The following PPP3CC variants were observed in gnomAD, a reference collection of about 807,000 sequenced individuals.
PPP3CC encodes protein phosphatase 3 catalytic subunit gamma, also known as serine/threonine-protein phosphatase 2B catalytic subunit gamma isoform.
PPP3CC carries 35 observed loss-of-function variants against 60.3 expected under a neutral mutation model. The observed-to-expected ratio is 0.58, with a 90% CI of 0.44 to 0.77. The LOEUF (loss-of-function observed/expected upper bound fraction) is 0.77, where lower values mean the gene tolerates loss of function less well. Among genes scored for constraint, PPP3CC ranks in the 30% least tolerant of loss-of-function variants. The pLI is 0.00. For synonymous variants in PPP3CC, 206 were observed against 224.3 expected (o/e 0.92, Z 0.73); for missense variants, 570 against 628.9 (o/e 0.91, Z 1.00).
chr8:22,535,572 G>A (rs1839827154), intron 12 of PPP3CC, among the ~76,000 whole-genome samples: 1 of 151,732 alleles, frequency 6.6e-6, no homozygotes, highest in Non-Finnish European at 1.5e-5. Flanking sequence ...CATAGCTCAT[G>A]GCAGCGCCCG....
chr8:22,522,795 T>A (rs1420632784), intron 8 of PPP3CC, 46 bp downstream of exon 8: 2 of 1,342,526 alleles, frequency 1.5e-6, no homozygotes, highest in Admixed American at 3.5e-5. Context: ...TGAGTAAACG[T>A]GAGCTCTGGT....
At chr8:22,444,235 G>A (rs911149430) in intron 1 of PPP3CC, among the ~76,000 whole-genome samples, 4 of 142,618 alleles carry the variant, frequency 2.8e-5, no homozygotes, top group South Asian at 2.2e-4. Context: ...TAGCCTGGGC[G>A]ACAAGAGTGA....
chr8:22,499,776 C>A (rs1838709456), intron 4 of PPP3CC, among the ~76,000 whole-genome samples: 1 of 152,194 alleles, frequency 6.6e-6, no homozygotes, highest in Admixed American at 6.5e-5. Context: ...CTATTTCATT[C>A]ATGTCATTTA....
intron 3 of PPP3CC, among the ~76,000 whole-genome samples, chr8:22,493,393 T>G (rs1838465599): frequency 1.3e-5 from 2 of 152,090 alleles, no homozygotes; most frequent in South Asian, 4.1e-4. Flanking sequence ...AAAAAAAGAT[T>G]TTTAATTTTT....
At chr8:22,446,404 G>A (rs377599759) in intron 1 of PPP3CC, among the ~76,000 whole-genome samples, 1 of 151,944 alleles carries the variant, frequency 6.6e-6, no homozygotes, top group African/African-American at 2.4e-5. Context: ...AAAAACAAGG[G>A]ACTCTGAGAG....
chr8:22,452,052 G>A (rs1019174090), intron 1 of PPP3CC, among the ~76,000 whole-genome samples: 8 of 145,210 alleles, frequency 5.5e-5, no homozygotes, highest in Admixed American at 3.5e-4. Context: ...TAGAGATAAG[G>A]CCTCACTCTG....
intron 3 of PPP3CC, among the ~76,000 whole-genome samples, chr8:22,478,405 C>T (rs567783435): frequency 6.6e-6 from 1 of 152,170 alleles, no homozygotes; most frequent in Non-Finnish European, 1.5e-5. Context: ...CCACCTTGGC[C>T]TTCCAAAGTG....
chr8:22,538,346 G>A (rs539213837), intron 12 of PPP3CC, among the ~76,000 whole-genome samples: 386 of 152,246 alleles, frequency 2.5e-3, no homozygotes, highest in Non-Finnish European at 4.5e-3. Flanking sequence ...TCTTGTCAAG[G>A]GTATTTGTTC....
intron 6 of PPP3CC, among the ~76,000 whole-genome samples, chr8:22,513,792 A>G (rs1000913127): frequency 1.3e-5 from 2 of 152,204 alleles, no homozygotes; most frequent in African/African-American, 4.8e-5. Context: ...TCTGAGAGGA[A>G]TCCTATTGTA....
intron 6 of PPP3CC, among the ~76,000 whole-genome samples, chr8:22,517,935 A>G (rs1839296616): frequency 6.6e-6 from 1 of 152,026 alleles, no homozygotes; most frequent in African/African-American, 2.4e-5. Flanking sequence ...GAAGTGTAAA[A>G]TAAGGTTGTT....
At chr8:22,507,400 C>T (rs947613207) in intron 4 of PPP3CC, among the ~76,000 whole-genome samples, 1 of 152,126 alleles carries the variant, frequency 6.6e-6, no homozygotes, top group Non-Finnish European at 1.5e-5. Context: ...GCAATTGAAT[C>T]AGCTAATTTA....
chr8:22,458,706 A>C (rs1024916216), intron 1 of PPP3CC, among the ~76,000 whole-genome samples: 2 of 152,080 alleles, frequency 1.3e-5, no homozygotes, highest in Non-Finnish European at 2.9e-5. Flanking sequence ...ATAGAAACTT[A>C]GATATATTTA....
At chr8:22,500,641 G>A (rs1217488667) in intron 4 of PPP3CC, among the ~76,000 whole-genome samples, 1 of 152,128 alleles carries the variant, frequency 6.6e-6, no homozygotes, top group Non-Finnish European at 1.5e-5. Flanking sequence ...GATAGTAGTT[G>A]TAATGAAAAC....
intron 9 of PPP3CC, among the ~76,000 whole-genome samples, chr8:22,527,843 C>T (rs1293691156): frequency 6.6e-6 from 1 of 152,182 alleles, no homozygotes; most frequent in Non-Finnish European, 1.5e-5. Flanking sequence ...CCATATTGGC[C>T]AGGCTGGTCT....
At chr8:22,532,801 G>A (rs776902605) in intron 11 of PPP3CC, 120 bp from the exon 12 acceptor site, 14 of 580,830 alleles carry the variant, frequency 2.4e-5, no homozygotes, top group East Asian at 3.4e-5. Context: ...CAGGGAAGGC[G>A]TAGGAGGTAG....
chr8:22,515,005 T>G (rs1197401964), intron 6 of PPP3CC, among the ~76,000 whole-genome samples: 1 of 152,132 alleles, frequency 6.6e-6, no homozygotes, highest in African/African-American at 2.4e-5. Flanking sequence ...AATTTACAAT[T>G]AAATTATTAT....
At chr8:22,532,169 T>A in intron 10 of PPP3CC, 56 bp from the exon 11 acceptor site, 2 of 1,319,572 alleles carry the variant, frequency 1.5e-6, no homozygotes, top group Non-Finnish European at 2.1e-6. Context: ...CTGAATTTTT[T>A]AAAGGCAGCC....
At chr8:22,511,462 G>T (rs558019532) in intron 5 of PPP3CC, among the ~76,000 whole-genome samples, 18 of 152,138 alleles carry the variant, frequency 1.2e-4, no homozygotes, top group Middle Eastern at 3.4e-3. Context: ...TAGAGACGGG[G>T]TTTCACCATG....
Position 22,441,465 on chromosome 8 carries a change from G to A in PPP3CC, c.49+7G>A, listed in dbSNP as rs1312760430. 6.5e-7 allele frequency: 1 copy of A among 1,534,466 alleles called. No homozygotes were observed. The highest frequency in any genetic ancestry group is 8.8e-7 in the Non-Finnish European group (1 of 1,139,562). ...ACCGACCGCGTCATCAAAGGTGCCT[G>A]GCGGGCCGGGCCTTCCTCTGGGACC... On this transcript the variant is annotated splice_region_variant and intron_variant, in intron 1 of 13. Coordinates refer to ENST00000240139, the MANE Select transcript of PPP3CC (RefSeq NM_005605.5).
Sources: allele counts gnomAD v4.1 joint callset (sites outside exome capture counted in the v4.1 genomes callset), GRCh38; gene constraint gnomAD v4.1.1; transcripts MANE v1.5; gene names NCBI Gene and HGNC (gene_info 2026-07-23, HGNC 2026-07-21).